PRR5L: variants seen among roughly 807,000 people sequenced by gnomAD.
PRR5L encodes proline-rich protein 5-like.
In PRR5L, 21 loss-of-function variants were observed where a neutral mutation model predicts 36.4. That is an observed-to-expected ratio of 0.58 (90% CI 0.41 to 0.83). The LOEUF is 0.83. Among genes scored for constraint, PRR5L ranks in the 40% least tolerant of loss-of-function variants. PRR5L has a pLI of 0.00. For synonymous variants in PRR5L, 188 were observed against 197.0 expected (o/e 0.95, Z 0.38); for missense variants, 381 against 473.3 (o/e 0.80, Z 1.81).
At chr11:36,419,128 G>A (rs752506148) in intron 3 of PRR5L, 127 bp from the exon 4 acceptor site, 14 of 790,358 alleles carry the variant, frequency 1.8e-5, no homozygotes, top group Non-Finnish European at 2.9e-5. Flanking sequence ...AGGGGGACCA[G>A]GACCTAAGAA....
chr11:36,376,815 C>A, intron 1 of PRR5L: 1 of 800,116 alleles, frequency 1.2e-6, no homozygotes, highest in Non-Finnish European at 1.5e-6. Context: ...CGCGGCGTGG[C>A]GGGGGTAGGA....
intron 1 of PRR5L, among the ~76,000 whole-genome samples, chr11:36,337,730 C>T (rs575000809): frequency 6.6e-6 from 1 of 152,212 alleles, no homozygotes; most frequent in Non-Finnish European, 1.5e-5. Flanking sequence ...ATCTTACAAC[C>T]TGCCTGCTCC....
At chr11:36,415,923 G>A (rs71481980) in intron 3 of PRR5L, among the ~76,000 whole-genome samples, 16,983 of 152,202 alleles carry the variant, frequency 0.11, 1,075 homozygotes, top group African/African-American at 0.17. Flanking sequence ...TGTTAGTGTT[G>A]TGTAAACTAA....
intron 1 of PRR5L, among the ~76,000 whole-genome samples, chr11:36,353,804 C>G (rs368276069): frequency 3.3e-5 from 5 of 152,320 alleles, no homozygotes; most frequent in African/African-American, 1.2e-4. Context: ...CACTCACCTC[C>G]TGCTCTGTGG....
At chr11:36,415,617 G>A (rs190246691) in intron 3 of PRR5L, among the ~76,000 whole-genome samples, 8 of 152,268 alleles carry the variant, frequency 5.3e-5, no homozygotes, top group South Asian at 4.1e-4. Context: ...AGTGTTGCGC[G>A]CCTGCTCTCC....
intron 1 of PRR5L, among the ~76,000 whole-genome samples, chr11:36,389,961 C>T (rs528642072): frequency 6.6e-6 from 1 of 152,214 alleles, no homozygotes; most frequent in Non-Finnish European, 1.5e-5. Context: ...TCACACACAG[C>T]TGGCTCATTT....
intron 1 of PRR5L, among the ~76,000 whole-genome samples, chr11:36,355,949 T>G (rs1198301329): frequency 6.6e-6 from 1 of 152,010 alleles, no homozygotes; most frequent in Non-Finnish European, 1.5e-5. Context: ...GGTCTCACTT[T>G]GTTGCCCAAG....
At chr11:36,316,820 T>C (rs10836535) in intron 1 of PRR5L, among the ~76,000 whole-genome samples, 85,782 of 152,010 alleles carry the variant, frequency 0.56, 25,354 homozygotes, top group East Asian at 0.86. Flanking sequence ...CAGACTGATC[T>C]CCAGGCAAGA....
rs142910032 is a variant in PRR5L, at chr11:36,428,459, C to G, written c.295-3394C>G. 9.2e-5 allele frequency among the ~76,000 whole-genome samples: 14 copies of G among 152,198 alleles called. No individual in the cohort carries two copies. In the East Asian group the frequency reaches 2.7e-3, roughly 29 times the overall value. ...GGAGATTTGGGGTTCAGTTTGAGAC[C>G]CATTAGCAAAGCTGGAAGATGCAGC... On this transcript the variant is annotated intron_variant, in intron 4 of 8. Coordinates refer to ENST00000530639, the MANE Select transcript of PRR5L (RefSeq NM_001160167.2).
intron 6 of PRR5L, among the ~76,000 whole-genome samples, chr11:36,441,880 A>G (rs1398832073): frequency 6.6e-6 from 1 of 152,162 alleles, no homozygotes. Context: ...CTCCAGAGTA[A>G]CAGCTGGAAT....
At chr11:36,303,059 C>T (rs1025734026) in intron 1 of PRR5L, among the ~76,000 whole-genome samples, 5 of 152,138 alleles carry the variant, frequency 3.3e-5, no homozygotes, top group South Asian at 2.1e-4. Context: ...CTGCCCTAAT[C>T]GCAAGGCAAC....
chr11:36,407,506 G>A (rs1304316868), intron 3 of PRR5L, among the ~76,000 whole-genome samples: 1 of 152,172 alleles, frequency 6.6e-6, no homozygotes, highest in Non-Finnish European at 1.5e-5. Flanking sequence ...GTTTGGGTGA[G>A]GCTAAGTTCT....
At chr11:36,342,796 C>A (rs187101075) in intron 1 of PRR5L, among the ~76,000 whole-genome samples, 262 of 152,206 alleles carry the variant, frequency 1.7e-3, no homozygotes, top group African/African-American at 6.3e-3. Context: ...TTAAATATAG[C>A]CGCACTTTAG....
chr11:36,398,788 T>TA (rs1371855241), intron 1 of PRR5L: 2 of 152,238 alleles, frequency 1.3e-5, no homozygotes, highest in African/African-American at 4.8e-5. Context: ...CTCAGTGTCT[T>TA]ACAGTTTCCT....
At chr11:36,417,400 TGA>T (rs1858167473) in intron 3 of PRR5L, among the ~76,000 whole-genome samples, 1 of 152,222 alleles carries the variant, frequency 6.6e-6, no homozygotes, top group Admixed American at 6.5e-5. Context: ...GTTTCCTGTC[TGA>T]GAGACATGTC....
At chr11:36,446,672 A>T (rs1169326648) in intron 7 of PRR5L, among the ~76,000 whole-genome samples, 14 of 152,138 alleles carry the variant, frequency 9.2e-5, no homozygotes, top group African/African-American at 3.4e-4. Context: ...CACACTGGGG[A>T]GTGAGGGAAG....
intron 4 of PRR5L, among the ~76,000 whole-genome samples, chr11:36,427,655 C>T (rs1403451616): frequency 2.6e-5 from 4 of 152,196 alleles, no homozygotes; most frequent in Non-Finnish European, 4.4e-5. Flanking sequence ...CCCATTTGAG[C>T]AGGCTTAAGC....
intron 6 of PRR5L, 38 bp downstream of exon 6, chr11:36,437,514 C>T (rs757237050): frequency 4.3e-5 from 56 of 1,304,556 alleles, no homozygotes; most frequent in South Asian, 1.5e-4. Flanking sequence ...CCATCCTCAG[C>T]GATCTGTCTT....
chr11:36,451,628 G>T (rs912873324), intron 8 of PRR5L, among the ~76,000 whole-genome samples: 3 of 152,114 alleles, frequency 2.0e-5, no homozygotes, highest in African/African-American at 7.2e-5. Flanking sequence ...TGATCATTTT[G>T]GTGCGCCTAG....
Sources: gnomAD v4.1 joint callset for allele counts (sites outside exome capture counted in the v4.1 genomes callset) on GRCh38, gnomAD v4.1.1 for gene constraint, MANE v1.5 for transcripts, NCBI Gene and HGNC (gene_info 2026-07-23, HGNC 2026-07-21) for gene names.